KCNMA1: variants seen among roughly 807,000 people sequenced by gnomAD.
KCNMA1 encodes potassium calcium-activated channel subfamily M alpha 1, also known as Calcium-activated potassium channel subunit alpha-1.
In KCNMA1, 29 loss-of-function variants were observed where a neutral mutation model predicts 140.0. The observed-to-expected ratio is 0.21, with a 90% confidence interval of 0.15 to 0.28. The LOEUF is 0.28. Among genes scored for constraint, KCNMA1 ranks in the 10% least tolerant of loss-of-function variants. KCNMA1 has a pLI of 1.00. For missense variants in KCNMA1, 880 were observed against 1,602.2 expected, an observed-to-expected ratio of 0.55 and a Z score of 7.70; for synonymous variants, 612 against 611.9, an observed-to-expected ratio of 1.00 and a Z score of 0.00.
intron 1 of KCNMA1, among the ~76,000 whole-genome samples, chr10:77,405,745 C>A (rs1017764141): frequency 8.5e-5 from 13 of 152,184 alleles, no homozygotes; most frequent in African/African-American, 3.1e-4. Context: ...CAAAGCCACA[C>A]TGGGGATCAT....
At chr10:77,290,093 C>T (rs906655744) in intron 2 of KCNMA1, among the ~76,000 whole-genome samples, 8 of 152,238 alleles carry the variant, frequency 5.3e-5, no homozygotes, top group East Asian at 1.9e-4. Context: ...GGTGGTTACA[C>T]GCCTCCATAC....
intron 14 of KCNMA1, among the ~76,000 whole-genome samples, chr10:77,054,710 T>C (rs1337826801): frequency 1.3e-5 from 2 of 152,194 alleles, no homozygotes; most frequent in African/African-American, 4.8e-5. Context: ...CATGTGGCAG[T>C]TAATGATAAA....
intron 23 of KCNMA1, among the ~76,000 whole-genome samples, chr10:76,928,281 ACGCGCGCG>A (rs1388776203): frequency 9.5e-6 from 1 of 105,182 alleles, no homozygotes; most frequent in Non-Finnish European, 2.1e-5. Context: ...ACACACGAAC[ACGCGCGCG>A]CACACACACA....
chr10:77,073,038 C>T, intron 14 of KCNMA1, 59 bp downstream of exon 14: 1 of 1,532,480 alleles, frequency 6.5e-7, no homozygotes. Flanking sequence ...GTGCTCTCTA[C>T]TCAACCCCAC....
intron 1 of KCNMA1, among the ~76,000 whole-genome samples, chr10:77,488,131 C>A (rs975408119): frequency 2.0e-5 from 3 of 152,194 alleles, no homozygotes; most frequent in African/African-American, 7.2e-5. Context: ...CCAACGATGT[C>A]GACAAGATGG....
chr10:77,461,381 T>C (rs1824563653), intron 1 of KCNMA1, among the ~76,000 whole-genome samples: 1 of 152,146 alleles, frequency 6.6e-6, no homozygotes, highest in South Asian at 2.1e-4. Flanking sequence ...TCATTGTTCC[T>C]GTTAAATGAT....
At chr10:77,465,048 A>G (rs1024605400) in intron 1 of KCNMA1, among the ~76,000 whole-genome samples, 5 of 152,214 alleles carry the variant, frequency 3.3e-5, no homozygotes, top group African/African-American at 1.2e-4. Flanking sequence ...GAGAGACTTA[A>G]GCACACCCCA....
At chr10:76,988,102 G>C (rs1031096373) in intron 19 of KCNMA1, among the ~76,000 whole-genome samples, 3 of 152,188 alleles carry the variant, frequency 2.0e-5, no homozygotes, top group African/African-American at 7.2e-5. Context: ...GCCATCGGTA[G>C]GAGGAAAGAG....
chr10:76,883,978 C>A (rs1246057039), downstream of KCNMA1: 2 of 982,008 alleles, frequency 2.0e-6, no homozygotes, highest in Non-Finnish European at 2.4e-6. Context: ...ATGGTGAATT[C>A]TCAATTATCT....
chr10:77,240,251 T>C (rs1201980462), intron 3 of KCNMA1, among the ~76,000 whole-genome samples: 3 of 152,252 alleles, frequency 2.0e-5, no homozygotes, highest in Non-Finnish European at 4.4e-5. Context: ...AACGTTATTT[T>C]CAGAGATGAT....
chr10:77,487,375 A>G (rs866379459), intron 1 of KCNMA1, among the ~76,000 whole-genome samples: 1 of 152,224 alleles, frequency 6.6e-6, no homozygotes, highest in Non-Finnish European at 1.5e-5. Flanking sequence ...CAAGCCACAC[A>G]GAAGTGTAAT....
chr10:77,088,025 G>A (rs1272705703), intron 10 of KCNMA1, among the ~76,000 whole-genome samples: 1 of 152,052 alleles, frequency 6.6e-6, no homozygotes, highest in Non-Finnish European at 1.5e-5. Context: ...GCAGTGCAGT[G>A]GCAGGATCTC....
intron 8 of KCNMA1, among the ~76,000 whole-genome samples, chr10:77,109,371 G>A (rs1489418761): frequency 6.6e-6 from 1 of 150,510 alleles, no homozygotes; most frequent in Non-Finnish European, 1.5e-5. Context: ...AGCTGTGTAT[G>A]GATTAGGATT....
At chr10:77,296,310 G>A (rs772469565) in intron 2 of KCNMA1, among the ~76,000 whole-genome samples, 6 of 152,284 alleles carry the variant, frequency 3.9e-5, no homozygotes, top group Admixed American at 1.3e-4. Context: ...AGTCTCTAGA[G>A]GCTAGAAAAG....
At position 77,084,648 on chromosome 10, in the gene KCNMA1, C is replaced by G. The variant is rs773511314; in HGVS notation, c.1512G>C (p.Ser504=). The G allele has an allele frequency of 2.5e-6, 4 of 1,613,840 alleles. No homozygotes were observed. The highest frequency in any genetic ancestry group is 2.5e-6 in the Non-Finnish European group (3 of 1,179,740). ...YCADPDAEDA[S]NIMRVISIKN... is the part of the protein sequence containing the mutation. ...GCCCCAAGAGTTACCTCATGATATT[C>G]GAGGCATCCTCCGCATCCGGGTCAG... Residue 504 remains serine, a synonymous_variant, in exon 12 of 28, where the codon TCG becomes TCC. Transcript: ENST00000286628.
At chr10:77,009,130 AG>A (rs1051980337) in intron 18 of KCNMA1, among the ~76,000 whole-genome samples, 3 of 152,106 alleles carry the variant, frequency 2.0e-5, no homozygotes, top group Non-Finnish European at 2.9e-5. Context: ...TTGGGGGAGG[AG>A]GCACAGGGAT....
intron 15 of KCNMA1, among the ~76,000 whole-genome samples, chr10:77,034,519 T>C (rs886108417): frequency 6.6e-6 from 1 of 152,210 alleles, no homozygotes; most frequent in Non-Finnish European, 1.5e-5. Context: ...TAAAGATCTG[T>C]CTGTGCAAAA....
intron 2 of KCNMA1, among the ~76,000 whole-genome samples, chr10:77,299,736 T>C (rs940950753): frequency 1.3e-5 from 2 of 152,044 alleles, no homozygotes; most frequent in African/African-American, 4.8e-5. Flanking sequence ...TTTCCAAAGG[T>C]CCTGTTCAGC....
intron 5 of KCNMA1, among the ~76,000 whole-genome samples, chr10:77,150,409 GA>G (rs1304252081): frequency 6.6e-6 from 1 of 152,114 alleles, no homozygotes; most frequent in Non-Finnish European, 1.5e-5. Context: ...TGAGCAAAGG[GA>G]AAGAATCCAG....
Sources: allele counts gnomAD v4.1 joint callset (sites outside exome capture counted in the v4.1 genomes callset), GRCh38; gene constraint gnomAD v4.1.1; transcripts MANE v1.5; gene names NCBI Gene and HGNC (gene_info 2026-07-23, HGNC 2026-07-21).